Variants in ZNF577 observed in about 807,000 individuals in gnomAD.
The protein encoded by ZNF577 is zinc finger protein 577.
ZNF577 carries 14 observed loss-of-function variants against 13.9 expected under a neutral mutation model. The ratio of observed to expected loss-of-function variants is 1.00; its 90% confidence interval spans 0.66 to 1.57. The LOEUF (loss-of-function observed/expected upper bound fraction) is 1.57. Among genes scored for constraint, ZNF577 ranks in the 40% most tolerant of loss-of-function variants. The probability of loss-of-function intolerance (pLI) is 0.00; values close to 1 mark genes in which losing one functional copy is unlikely to be tolerated. For synonymous variants in ZNF577, 203 were observed against 202.9 expected (o/e 1.00, Z 0.00); for missense variants, 555 against 579.2 (o/e 0.96, Z 0.43).
chr19:51,873,212 G>A lies in ZNF577; in HGVS notation c.778C>T (p.His260Tyr). ...TTCTCTCCAGTATGTGATCGCTGAT[G>A]TCTATTGAGCCGGCACTTCCGGCTG... ...AFSRKCRLNR[H>Y]QRSHTGEKLY... is the part of the protein sequence containing the mutation. The change falls in exon 6 of 6, where the codon CAT (histidine) becomes TAT (tyrosine). Residue 260 changes from histidine (H) to tyrosine (Y), a missense_variant. Coordinates refer to ENST00000638348, the MANE Select transcript of ZNF577 (RefSeq NM_001370449.1). 3 of 1,614,158 alleles carry A rather than the reference G, an allele frequency of 1.9e-6. No individual in the cohort carries two copies. In the South Asian group the frequency reaches 3.3e-5, roughly 18 times the overall value.
intron 9 of ZNF577, among the ~76,000 whole-genome samples, chr19:51,828,271 G>C (rs562969673): frequency 1.9e-4 from 29 of 152,126 alleles, no homozygotes; most frequent in African/African-American, 6.3e-4. Flanking sequence ...GGAAGACTGA[G>C]GAAGGAGAAT....
At chr19:51,812,516 T>C (rs1016832193) in intron 9 of ZNF577, among the ~76,000 whole-genome samples, 1 of 152,220 alleles carries the variant, frequency 6.6e-6, no homozygotes, top group Admixed American at 6.5e-5. Context: ...CTCTCATTCA[T>C]TTGGCTAGCA....
At chr19:51,808,905 T>C (rs892890676) in intron 10 of ZNF577, among the ~76,000 whole-genome samples, 5 of 152,348 alleles carry the variant, frequency 3.3e-5, no homozygotes, top group Middle Eastern at 3.4e-3. Flanking sequence ...TCTCCTGAGA[T>C]AGGGGCCATT....
chr19:51,824,298 G>T lies in ZNF577; in HGVS notation c.*600-12624C>A, dbSNP rs759195896. ...CTGTATTTTCAACTTTGCATTCTGGGGTGACACTGCTGTAGAGAGGTTGAA... is the reference window on the plus strand; with the variant it reads ...CTGTATTTTCAACTTTGCATTCTGGTGTGACACTGCTGTAGAGAGGTTGAA... On this transcript the variant is annotated intron_variant and NMD_transcript_variant, in intron 9 of 10. Coordinates refer to the ZNF577 transcript ENST00000638827. This position sits in a 1 kb window ranked among gnomAD's most constrained non-coding sequence, Gnocchi z 4.7. The T allele has an allele frequency of 6.2e-7, 1 of 1,614,102 alleles. No individual in the cohort carries two copies.
At chr19:51,854,026 G>T (rs75568963) in intron 5 of ZNF577, among the ~76,000 whole-genome samples, 42 of 152,278 alleles carry the variant, frequency 2.8e-4, no homozygotes, top group African/African-American at 9.9e-4. Context: ...ATGTATGTAA[G>T]GGTCTCTGCT....
chr19:51,885,300 C>T (rs2084926292), intron 1 of ZNF577, among the ~76,000 whole-genome samples: 2 of 152,136 alleles, frequency 1.3e-5, no homozygotes, highest in Admixed American at 6.6e-5. Context: ...ACCATTTAGC[C>T]GGCAGAGACT....
chr19:51,860,082 T>C (rs1045830862), intron 5 of ZNF577, among the ~76,000 whole-genome samples: 3 of 152,152 alleles, frequency 2.0e-5, no homozygotes, highest in African/African-American at 7.2e-5. Context: ...AAATTATATA[T>C]ACAGGCAAGG....
In ZNF577 at chr19:51,873,474, C is replaced by T. The variant is rs756725026; in HGVS notation, c.516G>A (p.Gln172=). 4 of 1,614,076 alleles carry T rather than the reference C, an allele frequency of 2.5e-6. No individual in the cohort carries two copies. In the African/African-American group the frequency reaches 5.3e-5, roughly 22 times the overall value. ...TTTCAGTTCTCTGATGTTGAATAAG[C>T]TGTGCTTTCCTGGAGAAGGCTCTCC... ...VCGRAFSRKA[Q]LIQHQRTERG... is the part of the protein sequence containing the mutation. The change falls in exon 6 of 6, where the codon CAG becomes CAA. Residue 172 remains glutamine, a synonymous_variant. Transcript: ENST00000638348.
At chr19:51,817,908 G>A (rs1192656927) in intron 9 of ZNF577, 1 of 152,114 alleles carries the variant, frequency 6.6e-6, no homozygotes, top group East Asian at 1.9e-4. Context: ...CCTAAACTCT[G>A]GAGCAGGGCT....
intron 10 of ZNF577, among the ~76,000 whole-genome samples, chr19:51,805,660 T>C (rs1338140495): frequency 6.6e-6 from 1 of 152,236 alleles, no homozygotes; most frequent in African/African-American, 2.4e-5. Context: ...TGTAACTCAG[T>C]GTTAATTTTA....
chr19:51,887,539 T>A lies in ZNF577; in HGVS notation c.-937A>T, dbSNP rs146673635. 1 of 152,064 alleles carries A rather than the reference T, an allele frequency of 6.6e-6. No individual in the cohort carries two copies. The highest frequency in any genetic ancestry group is 1.5e-5 in the Non-Finnish European group (1 of 68,046). 9.4% of individuals were successfully genotyped at this position (152,064 alleles called of 1,614,324 possible). ...CAGCAGACCCCTTTTTAAGTACGCA[T>A]GTGATAAGCAATGAACACGAACTGC... On this transcript the variant is annotated 5_prime_UTR_variant, in exon 1 of 6. An upstream start codon of the reference 5' UTR is lost. Coordinates refer to ENST00000638348, the MANE Select transcript of ZNF577 (RefSeq NM_001370449.1).
chr19:51,873,013 T>C lies in ZNF577; in HGVS notation c.977A>G (p.Tyr326Cys), dbSNP rs756228487. Reference sequence around the variant, plus strand: ...GGCTTTTTCACACTCACTACATTCATAAGGTTTCTCTCCCGTATGAATCCT... The same window carrying C: ...GGCTTTTTCACACTCACTACATTCACAAGGTTTCTCTCCCGTATGAATCCT... ...HQRIHTGEKP[Y>C]ECSECEKAFR... Residue 326 changes from tyrosine (Y) to cysteine (C), a missense_variant, in exon 6 of 6, where the codon TAT (tyrosine) becomes TGT (cysteine). Tyr to Cys is a radical substitution (Grantham distance 194, BLOSUM62 -2). Transcript: ENST00000638348. 2.5e-6 allele frequency: 4 copies of C among 1,614,206 alleles called. No homozygotes were observed. The Admixed American group carries it at 6.7e-5, about 27-fold the overall frequency.
chr19:51,827,062 A>G (rs991209792), intron 9 of ZNF577, among the ~76,000 whole-genome samples: 4 of 152,314 alleles, frequency 2.6e-5, no homozygotes, highest in African/African-American at 9.6e-5. Flanking sequence ...GTCTGGCAAT[A>G]AAGGATTATA....
chr19:51,874,976 G>A (rs1192750728), intron 5 of ZNF577, among the ~76,000 whole-genome samples: 9 of 151,938 alleles, frequency 5.9e-5, no homozygotes, highest in Admixed American at 5.9e-4. Flanking sequence ...ATAAAATGAG[G>A]GTAAAAGAAG....
At chr19:51,859,736 T>G (rs1248388387) in intron 5 of ZNF577, among the ~76,000 whole-genome samples, 1 of 152,154 alleles carries the variant, frequency 6.6e-6, no homozygotes, top group Non-Finnish European at 1.5e-5. Context: ...GAGTCAAATA[T>G]GTATTACAAG....
chr19:51,819,874 G>A (rs978870454), intron 9 of ZNF577, among the ~76,000 whole-genome samples: 6 of 152,180 alleles, frequency 3.9e-5, no homozygotes, highest in African/African-American at 7.2e-5. Flanking sequence ...GGATCTAGTA[G>A]AAATCAAATC....
At chr19:51,874,514 G>A (rs1174070433) in intron 5 of ZNF577, among the ~76,000 whole-genome samples, 18 of 151,842 alleles carry the variant, frequency 1.2e-4, no homozygotes. Flanking sequence ...AAGAGAAGCT[G>A]GTTTACCCGG....
chr19:51,876,695 A>G (rs2084769568), intron 5 of ZNF577, among the ~76,000 whole-genome samples: 1 of 152,126 alleles, frequency 6.6e-6, no homozygotes, highest in African/African-American at 2.4e-5. Flanking sequence ...TGGGAGGCCA[A>G]GGTGGGTGGT....
chr19:51,830,024 T>C (rs997851571), intron 9 of ZNF577, among the ~76,000 whole-genome samples: 1 of 152,172 alleles, frequency 6.6e-6, no homozygotes, highest in Non-Finnish European at 1.5e-5. Flanking sequence ...TTTTCTCCTG[T>C]TATCTTCTAG....
Sources: allele counts gnomAD v4.1 joint callset (sites outside exome capture counted in the v4.1 genomes callset), GRCh38; gene constraint gnomAD v4.1.1; non-coding constraint Gnocchi (gnomAD v3.1); transcripts MANE v1.5; gene names NCBI Gene and HGNC (gene_info 2026-07-23, HGNC 2026-07-21).